Variants in ABLIM2 observed in about 807,000 individuals in gnomAD.
ABLIM2 encodes the protein actin-binding LIM protein 2.
Under a neutral mutation model 97.7 loss-of-function variants are expected in ABLIM2, and 53 were observed. The ratio of observed to expected loss-of-function variants is 0.54; its 90% CI spans 0.44 to 0.68. The LOEUF (loss-of-function observed/expected upper bound fraction) is 0.68. Ranked by LOEUF, ABLIM2 falls within the 30% of genes least tolerant of loss-of-function variation. The pLI is 0.00. For synonymous variants in ABLIM2, 361 were observed against 345.8 expected (o/e 1.04, Z -0.49); for missense variants, 835 against 867.2 (o/e 0.96, Z 0.47).
chr4:8,088,132 C>A (rs1241278279), intron 4 of ABLIM2, 37 bp downstream of exon 4: 4 of 1,036,824 alleles, frequency 3.9e-6, no homozygotes, highest in Non-Finnish European at 5.4e-6. Flanking sequence ...ACTCAGCATG[C>A]CCCCACTCAA....
intron 20 of ABLIM2, among the ~76,000 whole-genome samples, chr4:7,980,308 A>G (rs1313286352): frequency 6.6e-6 from 1 of 152,234 alleles, no homozygotes; most frequent in African/African-American, 2.4e-5. Context: ...AACTGTAGCC[A>G]TAAGATACCA....
chr4:7,994,775 C>A (rs1440779070), intron 16 of ABLIM2, among the ~76,000 whole-genome samples: 3 of 116,916 alleles, frequency 2.6e-5, no homozygotes, highest in Non-Finnish European at 6.2e-5. Context: ...TTCCTGACTT[C>A]ATGTCCAAAA....
intron 12 of ABLIM2, among the ~76,000 whole-genome samples, chr4:8,025,653 G>A (rs1344140459): frequency 1.3e-5 from 2 of 152,250 alleles, no homozygotes; most frequent in South Asian, 2.1e-4. Flanking sequence ...GGGGAGGGTC[G>A]CCAGGGCTGG....
chr4:8,020,142 C>A (rs1772493338), intron 13 of ABLIM2, 60 bp downstream of exon 13: 2 of 1,502,696 alleles, frequency 1.3e-6, no homozygotes, highest in African/African-American at 1.4e-5. Flanking sequence ...TTGGGTGTGG[C>A]CAGTTTCGGT....
At chr4:8,129,261 C>G (rs893837582) in intron 1 of ABLIM2, among the ~76,000 whole-genome samples, 1 of 152,186 alleles carries the variant, frequency 6.6e-6, no homozygotes, top group African/African-American at 2.4e-5. Context: ...AGCAGAAATA[C>G]GTATGCCCCG....
rs552256383 is a variant in ABLIM2 at position 8,148,405 on chromosome 4, C to A, written c.10+10275G>T. On this transcript the variant is annotated intron_variant, in intron 1 of 20. Coordinates refer to ENST00000447017, the MANE Select transcript of ABLIM2 (RefSeq NM_001130083.2). This position sits in a 1 kb window ranked among gnomAD's most constrained non-coding sequence, Gnocchi z 6.7. The stretch of plus-strand genomic sequence containing the variant: ...GCAGGGCCCACAGGAGGTGAGGGAG[C>A]CGCTCAGGACGCGGGGGGGCCATGG... Among the ~76,000 whole-genome samples, 1 of 152,154 alleles carries A rather than the reference C, an allele frequency of 6.6e-6. No homozygotes were observed. Among genetic ancestry groups the A allele is most frequent in the Admixed American group, 6.5e-5 (1 of 15,284 alleles).
At chr4:8,081,445 G>T (rs568258928) in intron 4 of ABLIM2, among the ~76,000 whole-genome samples, 1 of 152,178 alleles carries the variant, frequency 6.6e-6, no homozygotes, top group Non-Finnish European at 1.5e-5. Flanking sequence ...GCCCTGCCCT[G>T]AGCCAGCGGC....
intron 1 of ABLIM2, among the ~76,000 whole-genome samples, chr4:8,156,364 C>G (rs980734741): frequency 2.0e-5 from 3 of 152,208 alleles, no homozygotes; most frequent in African/African-American, 7.2e-5. Flanking sequence ...GCAGGGGGCG[C>G]CCCACAGCTA....
At chr4:8,065,654 T>G (rs1188698606) in intron 6 of ABLIM2, among the ~76,000 whole-genome samples, 1 of 152,198 alleles carries the variant, frequency 6.6e-6, no homozygotes, top group Admixed American at 6.6e-5. Context: ...CTGGGCACAG[T>G]GGCTCAAGCC....
chr4:8,002,167 C>T lies in ABLIM2; in HGVS notation c.1618+5892G>A, dbSNP rs189368959. 2.6e-4 allele frequency among the ~76,000 whole-genome samples: 39 copies of T among 152,320 alleles called. No homozygotes were observed. The highest frequency in any genetic ancestry group is 8.7e-4 in the African/African-American group (36 of 41,566). The stretch of plus-strand genomic sequence containing the variant: ...TCTGGGAGCCGGGGACCCTCAGTCT[C>T]TGCCTCCAGCCTGGACCTCTCCTCT... On this transcript the variant is annotated intron_variant, in intron 16 of 20. Coordinates refer to ENST00000447017, the MANE Select transcript of ABLIM2 (RefSeq NM_001130083.2). The surrounding 1 kb of genome is among the most constrained non-coding windows in gnomAD (Gnocchi z 6.1).
chr4:8,045,344 C>T (rs991356975), intron 8 of ABLIM2, 103 bp from the exon 9 acceptor site: 17 of 1,084,812 alleles, frequency 1.6e-5, no homozygotes, highest in Middle Eastern at 2.1e-4. Context: ...CAGCGCACTG[C>T]GGTGTTTCTT....
intron 16 of ABLIM2, among the ~76,000 whole-genome samples, chr4:8,000,302 A>G (rs1756202373): frequency 6.6e-6 from 1 of 151,870 alleles, no homozygotes; most frequent in Non-Finnish European, 1.5e-5. Context: ...AGCCTCAACA[A>G]CCCTCAGAGT....
chr4:8,080,613 G>C (rs909926793), intron 5 of ABLIM2, 63 bp downstream of exon 5: 110 of 1,490,562 alleles, frequency 7.4e-5, no homozygotes, highest in Non-Finnish European at 9.8e-5. Context: ...TGCAGAGTGT[G>C]GGACCCCCAC....
chr4:7,972,898 T>C (rs1376288426), intron 20 of ABLIM2, among the ~76,000 whole-genome samples: 1 of 152,038 alleles, frequency 6.6e-6, no homozygotes, highest in Non-Finnish European at 1.5e-5. Flanking sequence ...ATCAGACCAG[T>C]TGGATGAGTT....
Position 8,122,211 on chromosome 4 carries a change from A to C in ABLIM2, c.11-15574T>G, listed in dbSNP as rs1164403211. ...AGACACCACACCAGCCTGGATGGGG[A>C]GTCTCGCTGCCCCCTGTGCATCTCC... On this transcript the variant is annotated intron_variant, in intron 1 of 20. Coordinates refer to ENST00000447017, the MANE Select transcript of ABLIM2 (RefSeq NM_001130083.2). The surrounding 1 kb of genome is among the most constrained non-coding windows in gnomAD (Gnocchi z 4.1). Among the ~76,000 whole-genome samples, 1 of 152,066 alleles carries C rather than the reference A, an allele frequency of 6.6e-6. No homozygotes were observed. The highest frequency in any genetic ancestry group is 1.5e-5 in the Non-Finnish European group (1 of 67,996).
chr4:8,099,648 A>G (rs938283455), intron 2 of ABLIM2, among the ~76,000 whole-genome samples: 1 of 152,170 alleles, frequency 6.6e-6, no homozygotes, highest in Non-Finnish European at 1.5e-5. Flanking sequence ...GATCGAGACC[A>G]TCCTGGCTAA....
In ABLIM2 at chr4:8,105,684, C is replaced by T. The variant is rs1186908586; in HGVS notation, c.154+810G>A. On this transcript the variant is annotated intron_variant, in intron 2 of 20. Transcript: ENST00000447017. ...CGAACCCGCAGAAGGCAGGCAGGCA[C>T]GGGGCCGCACACCGCAGCAGGGATT... 2.6e-5 allele frequency among the ~76,000 whole-genome samples: 4 copies of T among 152,350 alleles called. No individual in the cohort carries two copies. In the East Asian group the frequency reaches 5.8e-4, roughly 22 times the overall value.
At position 8,032,623 on chromosome 4, in the gene ABLIM2, G is replaced by A. The variant is rs757191943; in HGVS notation, c.1048-2847C>T. The A allele has an allele frequency of 1.2e-6, 2 of 1,612,356 alleles. No individual in the cohort carries two copies. Among genetic ancestry groups the A allele is most frequent in the South Asian group, 2.2e-5 (2 of 91,070 alleles). ...CAGGCAGCAGCGCCACGGCAAGCGG[G>A]GACAGGCGAGAGGGTGGTGGTTACC... On this transcript the variant is annotated intron_variant, in intron 10 of 20. Coordinates refer to ENST00000447017, the MANE Select transcript of ABLIM2 (RefSeq NM_001130083.2). The surrounding 1 kb of genome is among the most constrained non-coding windows in gnomAD (Gnocchi z 4.3).
At chr4:8,108,878 G>T (rs1331281727) in intron 1 of ABLIM2, among the ~76,000 whole-genome samples, 1 of 152,248 alleles carries the variant, frequency 6.6e-6, no homozygotes, top group African/African-American at 2.4e-5. Context: ...CCCTGTCTTG[G>T]TCTGGGTTCC....
Sources: gnomAD v4.1 joint callset for allele counts (sites outside exome capture counted in the v4.1 genomes callset) on GRCh38, gnomAD v4.1.1 for gene constraint, Gnocchi (gnomAD v3.1) non-coding constraint, MANE v1.5 for transcripts, NCBI Gene and HGNC (gene_info 2026-07-23, HGNC 2026-07-21) for gene names.